The following FRMD3 variants were observed in gnomAD, a reference collection of about 807,000 sequenced individuals.
The protein encoded by FRMD3 is FERM domain-containing protein 3.
A neutral mutation model predicts 70.2 loss-of-function variants in FRMD3; 33 were observed. The ratio of observed to expected loss-of-function variants is 0.47; its 90% CI spans 0.36 to 0.63. The LOEUF (loss-of-function observed/expected upper bound fraction) is 0.63. FRMD3 is among the 20% of genes least tolerant of loss of function. The probability of loss-of-function intolerance (pLI) is 0.00; values close to 1 mark genes in which losing one functional copy is unlikely to be tolerated. For missense variants in FRMD3, 632 were observed against 711.4 expected (o/e 0.89, Z 1.27); for synonymous variants, 279 against 255.9 (o/e 1.09, Z -0.86).
At chr9:83,254,154 T>C (rs1832568440) in intron 13 of FRMD3, among the ~76,000 whole-genome samples, 1 of 152,004 alleles carries the variant, frequency 6.6e-6, no homozygotes, top group Non-Finnish European at 1.5e-5. Flanking sequence ...TTAGGAGATA[T>C]ACCTAATGTA....
chr9:83,407,336 A>C (rs1323827545), intron 1 of FRMD3, among the ~76,000 whole-genome samples: 2 of 152,212 alleles, frequency 1.3e-5, no homozygotes, highest in African/African-American at 4.8e-5. Flanking sequence ...CCCAAATCCA[A>C]AAATTCTAAA....
chr9:83,384,640 C>G (rs1003130004), intron 2 of FRMD3, among the ~76,000 whole-genome samples: 1 of 152,154 alleles, frequency 6.6e-6, no homozygotes, highest in African/African-American at 2.4e-5. Context: ...GACCTTGCAT[C>G]CATGATTTCC....
chr9:83,403,365 G>C (rs1224658233), intron 1 of FRMD3, among the ~76,000 whole-genome samples: 1 of 152,134 alleles, frequency 6.6e-6, no homozygotes, highest in Non-Finnish European at 1.5e-5. Context: ...AAGAGAAATG[G>C]GAGACAGGCA....
intron 12 of FRMD3, among the ~76,000 whole-genome samples, chr9:83,291,567 G>GTCTC (rs113797673): frequency 6.7e-6 from 1 of 149,656 alleles, no homozygotes; most frequent in Admixed American, 6.6e-5. Context: ...AATGCACACA[G>GTCTC]TCTCTCTCTC....
chr9:83,529,493 T>C (rs538230641), intron 1 of FRMD3, among the ~76,000 whole-genome samples: 1 of 152,314 alleles, frequency 6.6e-6, no homozygotes, highest in East Asian at 1.9e-4. Flanking sequence ...GTATGCAAAC[T>C]ATGTATCAAT....
rs910471640 is a variant in FRMD3, at chr9:83,343,106, C to T, written c.472+84G>A. The T allele has an allele frequency of 3.1e-6, 3 of 975,932 alleles. No homozygotes were observed. The African/African-American group carries it at 4.8e-5, about 16-fold the overall frequency. The allele number at this position is 975,932 out of a possible 1,614,324, so 60.5% of individuals were successfully genotyped here. A position where few individuals can be genotyped will look rare whatever the true frequency, so the allele number is the denominator to read the frequency against. ...CCAGCCACAGACACAGGCAGGATGG[C>T]CACGGGTGGGAGAGAAGGGAGGCTT... is the stretch of plus-strand genomic sequence containing the variant. On this transcript the variant is annotated intron_variant, in intron 5 of 13. Coordinates refer to ENST00000304195, the MANE Select transcript of FRMD3 (RefSeq NM_174938.6).
At chr9:83,582,163 C>G in the FRMD3 span, among the ~76,000 whole-genome samples, 4 of 152,168 alleles carry the variant, frequency 2.6e-5, no homozygotes, top group South Asian at 8.3e-4. Context: ...ACTGGAACTC[C>G]TGGGCTCAAG....
intron 1 of FRMD3, among the ~76,000 whole-genome samples, chr9:83,393,324 A>G (rs1027106058): frequency 7.2e-5 from 11 of 152,202 alleles, no homozygotes; most frequent in Non-Finnish European, 1.6e-4. Flanking sequence ...ATGCTAGCCA[A>G]GATGTGACCC....
At chr9:83,249,200 A>T (rs7033511) in intron 13 of FRMD3, among the ~76,000 whole-genome samples, 5,114 of 152,330 alleles carry the variant, frequency 0.034, 286 homozygotes, top group African/African-American at 0.12. Flanking sequence ...GCTATGAGAC[A>T]TCTTTACATA....
At chr9:83,335,408 A>T in intron 6 of FRMD3, 108 bp downstream of exon 6, 1 of 1,194,806 alleles carries the variant, frequency 8.4e-7, no homozygotes, top group Non-Finnish European at 1.2e-6. Flanking sequence ...AAAACAGCCT[A>T]TCCATACATT....
chr9:83,333,040 A>T (rs1444246560), intron 6 of FRMD3, among the ~76,000 whole-genome samples: 1 of 152,208 alleles, frequency 6.6e-6, no homozygotes, highest in Non-Finnish European at 1.5e-5. Context: ...GAGCACCTTC[A>T]GTCCCTGTAG....
intron 1 of FRMD3, among the ~76,000 whole-genome samples, chr9:83,470,163 C>G (rs1308377938): frequency 6.6e-6 from 1 of 152,212 alleles, no homozygotes; most frequent in Non-Finnish European, 1.5e-5. Context: ...CTAAGCACCA[C>G]AGCCCCAGAT....
intron 3 of FRMD3, among the ~76,000 whole-genome samples, chr9:83,359,381 G>C (rs967484172): frequency 6.6e-6 from 1 of 152,190 alleles, no homozygotes; most frequent in African/African-American, 2.4e-5. Flanking sequence ...CTAACCTCAA[G>C]TTTGTCATTT....
At position 83,392,407 on chromosome 9, in the gene FRMD3, G is replaced by A. The variant is rs139771830; in HGVS notation, c.148-2699C>T. Among the ~76,000 whole-genome samples, 1,135 of 152,208 alleles carry A rather than the reference G, an allele frequency of 7.5e-3. 12 individuals are homozygous for A. Among genetic ancestry groups the A allele is most frequent in the African/African-American group, 0.025 (1,019 of 41,516 alleles). ...TTGCACTAAACAAAAGCCTGCATACGCCCAGTACCAAAGGTTGGAAGAGCT... is the reference window on the plus strand; with the variant it reads ...TTGCACTAAACAAAAGCCTGCATACACCCAGTACCAAAGGTTGGAAGAGCT... On this transcript the variant is annotated intron_variant, in intron 1 of 13. Coordinates refer to ENST00000304195, the MANE Select transcript of FRMD3 (RefSeq NM_174938.6).
intron 13 of FRMD3, among the ~76,000 whole-genome samples, chr9:83,258,573 A>G (rs1832832597): frequency 6.6e-6 from 1 of 152,240 alleles, no homozygotes; most frequent in Admixed American, 6.5e-5. Context: ...AAGGCTGTGG[A>G]AAGGATCGAA....
At chr9:83,438,603 T>C (rs1827207589) in intron 1 of FRMD3, among the ~76,000 whole-genome samples, 1 of 152,170 alleles carries the variant, frequency 6.6e-6, no homozygotes, top group Admixed American at 6.5e-5. Flanking sequence ...TTTCACCATA[T>C]TGGCCAGGCT....
At chr9:83,572,533 C>G in the FRMD3 span, among the ~76,000 whole-genome samples, 1 of 152,106 alleles carries the variant, frequency 6.6e-6, no homozygotes, top group African/African-American at 2.4e-5. Flanking sequence ...CTGGAGGAGG[C>G]AGCGTCAGAG....
At chr9:83,259,116 G>C (rs933726444) in intron 13 of FRMD3, among the ~76,000 whole-genome samples, 1 of 152,092 alleles carries the variant, frequency 6.6e-6, no homozygotes, top group Admixed American at 6.6e-5. Flanking sequence ...TAGGGGTCGG[G>C]GATGCCAGAC....
At chr9:83,256,673 A>C (rs1368137413) in intron 13 of FRMD3, among the ~76,000 whole-genome samples, 2 of 124,970 alleles carry the variant, frequency 1.6e-5, no homozygotes, top group Non-Finnish European at 3.0e-5. Flanking sequence ...TATCAGGGGA[A>C]AAAAAAACCC....
Sources: gnomAD v4.1 joint callset for allele counts (sites outside exome capture counted in the v4.1 genomes callset) on GRCh38, gnomAD v4.1.1 for gene constraint, MANE v1.5 for transcripts, NCBI Gene and HGNC (gene_info 2026-07-23, HGNC 2026-07-21) for gene names.